ALDH1A2: variants seen among roughly 807,000 people sequenced by gnomAD.
The protein encoded by ALDH1A2 is retinal dehydrogenase 2.
A neutral mutation model predicts 60.3 loss-of-function variants in ALDH1A2; 27 were observed. The ratio of observed to expected loss-of-function variants is 0.45; its 90% CI spans 0.33 to 0.62. The LOEUF (loss-of-function observed/expected upper bound fraction) is 0.62. Ranked by LOEUF, ALDH1A2 falls within the 20% of genes least tolerant of loss-of-function variation. The probability of loss-of-function intolerance (pLI) is 0.02; values close to 1 mark genes in which losing one functional copy is unlikely to be tolerated. For missense variants in ALDH1A2, 581 were observed against 643.8 expected (o/e 0.90, Z 1.06); for synonymous variants, 289 against 232.4 (o/e 1.24, Z -2.21).
intron 12 of ALDH1A2, among the ~76,000 whole-genome samples, chr15:57,955,888 C>A (rs879519800): frequency 7.2e-5 from 11 of 152,036 alleles, no homozygotes; most frequent in African/African-American, 1.2e-4. Context: ...TGCCTTTTTT[C>A]CCCTTATCTA....
chr15:58,017,093 T>C (rs1203845173), intron 1 of ALDH1A2, among the ~76,000 whole-genome samples: 3 of 152,172 alleles, frequency 2.0e-5, no homozygotes, highest in South Asian at 2.1e-4. Context: ...CTATGAGTCC[T>C]TCAGATAAAT....
At chr15:57,979,160 C>G (rs1894389754) in intron 7 of ALDH1A2, among the ~76,000 whole-genome samples, 1 of 152,156 alleles carries the variant, frequency 6.6e-6, no homozygotes, top group Non-Finnish European at 1.5e-5. Context: ...GTCTGTTGGC[C>G]TGAGGGTCCT....
chr15:57,956,054 C>T (rs1213480566), intron 12 of ALDH1A2, among the ~76,000 whole-genome samples: 2 of 152,204 alleles, frequency 1.3e-5, no homozygotes, highest in African/African-American at 2.4e-5. Context: ...AACCACCACA[C>T]TTATCACACT....
intron 1 of ALDH1A2, among the ~76,000 whole-genome samples, chr15:58,054,851 C>G (rs1248814626): frequency 6.6e-6 from 1 of 152,058 alleles, no homozygotes; most frequent in Non-Finnish European, 1.5e-5. Flanking sequence ...TTATCATAAC[C>G]TAAAAAATCA....
At chr15:57,958,268 C>T (rs1409005932) in intron 12 of ALDH1A2, among the ~76,000 whole-genome samples, 2 of 151,962 alleles carry the variant, frequency 1.3e-5, no homozygotes, top group Admixed American at 1.3e-4. Context: ...AACAATGCTT[C>T]TCATTTTCAA....
intron 1 of ALDH1A2, among the ~76,000 whole-genome samples, chr15:58,028,097 G>A (rs968627395): frequency 1.4e-4 from 22 of 152,000 alleles, no homozygotes; most frequent in Admixed American, 4.6e-4. Context: ...CACATAAATC[G>A]CCAGATTCAC....
At chr15:58,009,418 C>T (rs141374095) in intron 4 of ALDH1A2, among the ~76,000 whole-genome samples, 2 of 151,802 alleles carry the variant, frequency 1.3e-5, no homozygotes, top group Non-Finnish European at 2.9e-5. Context: ...CCAAACCACT[C>T]CCTTTTTTAG....
Position 57,992,459 on chromosome 15 carries a change from C to A in ALDH1A2, c.798+246G>T, listed in dbSNP as rs1822205. On this transcript the variant is annotated intron_variant, in intron 7 of 12. Transcript: ENST00000249750. ...TTCAACAAAGTGTCTAGAACCCCACCTTCTGGGATAGTTCTTACACAGATG... is the reference window on the plus strand; with the variant it reads ...TTCAACAAAGTGTCTAGAACCCCACATTCTGGGATAGTTCTTACACAGATG... Among the ~76,000 whole-genome samples the A allele has an allele frequency of 0.46, 69,583 of 151,988 alleles. 16,478 individuals are homozygous for A. Among genetic ancestry groups the A allele is most frequent in the Non-Finnish European group, 0.53 (36,187 of 67,972 alleles).
intron 1 of ALDH1A2, among the ~76,000 whole-genome samples, chr15:58,046,517 TG>T (rs1452550898): frequency 3.0e-4 from 46 of 152,152 alleles, no homozygotes; most frequent in Admixed American, 2.9e-3. Context: ...CAACCTAGAA[TG>T]GGGGAGGTAG....
intron 7 of ALDH1A2, among the ~76,000 whole-genome samples, chr15:57,974,163 C>T (rs1246220740): frequency 1.3e-5 from 2 of 152,038 alleles, no homozygotes; most frequent in Non-Finnish European, 2.9e-5. Context: ...CATATAGGGC[C>T]GGGCGCAGTG....
At chr15:58,044,314 C>T (rs1896588468) in intron 1 of ALDH1A2, among the ~76,000 whole-genome samples, 1 of 151,884 alleles carries the variant, frequency 6.6e-6, no homozygotes, top group Non-Finnish European at 1.5e-5. Flanking sequence ...CCTGCCCCCA[C>T]CCACCGACAT....
chr15:58,065,505 T>A, intron 1 of ALDH1A2, 29 bp downstream of exon 1: 1 of 1,566,536 alleles, frequency 6.4e-7, no homozygotes, highest in Admixed American at 1.7e-5. Flanking sequence ...AAAGTCTCCG[T>A]GGACGACGGG....
At chr15:58,019,950 T>A (rs778460369) in intron 1 of ALDH1A2, among the ~76,000 whole-genome samples, 4 of 152,074 alleles carry the variant, frequency 2.6e-5, no homozygotes, top group African/African-American at 4.8e-5. Flanking sequence ...CCCCCATGCA[T>A]TAGCTTTTTT....
intron 12 of ALDH1A2, among the ~76,000 whole-genome samples, chr15:57,959,023 T>C (rs1326881052): frequency 1.3e-5 from 2 of 152,214 alleles, no homozygotes; most frequent in Non-Finnish European, 2.9e-5. Context: ...TGGACCACCT[T>C]TCTGGGCAAG....
intron 1 of ALDH1A2, among the ~76,000 whole-genome samples, chr15:58,035,118 T>C (rs1291384642): frequency 6.6e-6 from 1 of 151,644 alleles, no homozygotes. Context: ...TATTAATTAT[T>C]GATTCAATTT....
intron 9 of ALDH1A2, 29 bp from the exon 10 acceptor site, chr15:57,962,205 A>G: frequency 6.2e-7 from 1 of 1,609,452 alleles, no homozygotes; most frequent in Non-Finnish European, 8.5e-7. Context: ...AATGACTCCA[A>G]ATATAACCTT....
At chr15:58,056,163 C>A (rs1896890424) in intron 1 of ALDH1A2, among the ~76,000 whole-genome samples, 1 of 151,928 alleles carries the variant, frequency 6.6e-6, no homozygotes, top group South Asian at 2.1e-4. Flanking sequence ...ATCATGTTAC[C>A]CTAGAGTTTT....
chr15:58,060,460 T>A (rs912455173), intron 1 of ALDH1A2, among the ~76,000 whole-genome samples: 22 of 121,554 alleles, frequency 1.8e-4, no homozygotes, highest in African/African-American at 6.1e-4. Context: ...ATGCCACACA[T>A]ATCTTTTTTT....
At chr15:57,960,431 A>G (rs34744389) in intron 12 of ALDH1A2, among the ~76,000 whole-genome samples, 1 of 152,166 alleles carries the variant, frequency 6.6e-6, no homozygotes. Context: ...TCCAGGAAAA[A>G]CGGTTACTTC....
Sources: allele counts gnomAD v4.1 joint callset (sites outside exome capture counted in the v4.1 genomes callset), GRCh38; gene constraint gnomAD v4.1.1; transcripts MANE v1.5; gene names NCBI Gene and HGNC (gene_info 2026-07-23, HGNC 2026-07-21).